Variants in MYCBP2 observed in about 807,000 individuals in gnomAD.
The protein encoded by MYCBP2 is MYC binding protein 2, also known as E3 ubiquitin-protein ligase MYCBP2.
MYCBP2 carries 120 observed loss-of-function variants against 525.3 expected under a neutral mutation model. That is an observed-to-expected ratio of 0.23 (90% confidence interval 0.20 to 0.27). The LOEUF is 0.27. MYCBP2 is among the 10% of genes least tolerant of loss of function. The pLI is 1.00. For synonymous variants in MYCBP2, 1,894 were observed against 1,955.8 expected (o/e 0.97, Z 0.83); for missense variants, 4,149 against 5,657.1 (o/e 0.73, Z 8.55).
intron 82 of MYCBP2, among the ~76,000 whole-genome samples, chr13:77,050,019 T>C (rs2036444903): frequency 6.6e-6 from 1 of 152,166 alleles, no homozygotes; most frequent in African/African-American, 2.4e-5. Context: ...TCTTTTTTTT[T>C]TTTAAACTGA....
chr13:77,189,888 A>G (rs986456042), intron 29 of MYCBP2, among the ~76,000 whole-genome samples: 13 of 152,150 alleles, frequency 8.5e-5, no homozygotes, highest in African/African-American at 2.9e-4. Flanking sequence ...CTGCATCTAT[A>G]GTCCTCCCCA....
At chr13:77,278,566 T>G (rs1355959504) in intron 4 of MYCBP2, among the ~76,000 whole-genome samples, 192 bp downstream of exon 4, 2 of 152,188 alleles carry the variant, frequency 1.3e-5, no homozygotes, top group African/African-American at 4.8e-5. Context: ...TTATATAAAT[T>G]TATGGGGTAT....
At chr13:77,156,035 T>C (rs777076805) in intron 46 of MYCBP2, 23 bp downstream of exon 46, 1 of 1,605,210 alleles carries the variant, frequency 6.2e-7, no homozygotes, top group Non-Finnish European at 8.5e-7. Flanking sequence ...AGATGTCTGC[T>C]AATTTAATCC....
At chr13:77,214,015 A>G (rs1016901986) in intron 21 of MYCBP2, among the ~76,000 whole-genome samples, 4 of 152,238 alleles carry the variant, frequency 2.6e-5, no homozygotes, top group Non-Finnish European at 4.4e-5. Context: ...GAAAAAGCAC[A>G]GGGAAACACA....
At chr13:77,188,140 G>T (rs1001913877) in intron 30 of MYCBP2, among the ~76,000 whole-genome samples, 1 of 151,152 alleles carries the variant, frequency 6.6e-6, no homozygotes, top group Non-Finnish European at 1.5e-5. Context: ...TATATATGGT[G>T]ATCATGAGAA....
chr13:77,092,003 T>C (rs1302894841), intron 59 of MYCBP2, among the ~76,000 whole-genome samples: 1 of 150,958 alleles, frequency 6.6e-6, no homozygotes, highest in Non-Finnish European at 1.5e-5. Context: ...CTGGAGAAAA[T>C]GTCAAGAGCA....
intron 68 of MYCBP2, 51 bp downstream of exon 68, chr13:77,076,699 GA>G (rs1279951963): frequency 6.1e-6 from 7 of 1,140,458 alleles, no homozygotes; most frequent in Admixed American, 2.1e-5. Context: ...TTATTTCACT[GA>G]AAAAAAGAAT....
chr13:77,323,710 G>A (rs76052618), intron 1 of MYCBP2, among the ~76,000 whole-genome samples: 4,547 of 152,260 alleles, frequency 0.03, 140 homozygotes, highest in African/African-American at 0.08. Flanking sequence ...AATACTGCCT[G>A]GCACAGAGCA....
At chr13:77,146,026 G>A (rs1008143396) in intron 48 of MYCBP2, 136 bp downstream of exon 48, 3 of 527,438 alleles carry the variant, frequency 5.7e-6, no homozygotes, top group Non-Finnish European at 9.9e-6. Context: ...ATTATTATAT[G>A]ACATCTCTAT....
At chr13:77,048,450 G>A (rs892362585) in intron 82 of MYCBP2, among the ~76,000 whole-genome samples, 1 of 152,210 alleles carries the variant, frequency 6.6e-6, no homozygotes, top group Non-Finnish European at 1.5e-5. Context: ...AGTGGTTAGA[G>A]AATTGCTTCT....
intron 1 of MYCBP2, among the ~76,000 whole-genome samples, chr13:77,304,190 AC>A (rs2079122972): frequency 6.6e-6 from 1 of 152,218 alleles, no homozygotes; most frequent in African/African-American, 2.4e-5. Flanking sequence ...GTTCACTGCT[AC>A]ACTATTCACA....
At chr13:77,279,186 C>T (rs1250830919) in intron 3 of MYCBP2, among the ~76,000 whole-genome samples, 3 of 152,078 alleles carry the variant, frequency 2.0e-5, no homozygotes, top group Non-Finnish European at 4.4e-5. Context: ...TTAATTGTTA[C>T]CTATAACCAG....
intron 15 of MYCBP2, among the ~76,000 whole-genome samples, chr13:77,246,198 T>C (rs962354764): frequency 2.6e-5 from 4 of 152,318 alleles, no homozygotes; most frequent in Admixed American, 2.0e-4. Context: ...AGAACATATC[T>C]GGCAGCAGTT....
chr13:77,212,453 C>T (rs1002696928), intron 21 of MYCBP2, among the ~76,000 whole-genome samples: 15 of 152,134 alleles, frequency 9.9e-5, no homozygotes, highest in Admixed American at 9.2e-4. Context: ...TCTTCACCTA[C>T]ATTTAAATGA....
intron 24 of MYCBP2, 138 bp downstream of exon 24, chr13:77,206,515 A>T: frequency 1.2e-6 from 1 of 803,510 alleles, no homozygotes; most frequent in Non-Finnish European, 1.8e-6. Context: ...TTAGCCTCTT[A>T]GAGGATTTAA....
intron 32 of MYCBP2, among the ~76,000 whole-genome samples, chr13:77,184,138 G>A (rs1350659433): frequency 2.0e-5 from 3 of 152,054 alleles, no homozygotes; most frequent in Non-Finnish European, 2.9e-5. Flanking sequence ...GGTATAAAGA[G>A]CTCTTTTAAG....
chr13:77,264,071 G>C, intron 8 of MYCBP2, 69 bp from the exon 9 acceptor site: 1 of 1,281,832 alleles, frequency 7.8e-7, no homozygotes, highest in Non-Finnish European at 1.1e-6. Flanking sequence ...TTACTCCTCT[G>C]TTGAAGTCAA....
intron 48 of MYCBP2, 87 bp downstream of exon 48, chr13:77,146,075 G>T (rs1171572658): frequency 3.7e-6 from 3 of 814,476 alleles, no homozygotes; most frequent in Middle Eastern, 2.4e-4. Flanking sequence ...TTTATTTATA[G>T]AAAATAAAGT....
At chr13:77,196,042 T>C (rs1434486954) in intron 26 of MYCBP2, among the ~76,000 whole-genome samples, 3 of 152,168 alleles carry the variant, frequency 2.0e-5, no homozygotes, top group Non-Finnish European at 2.9e-5. Context: ...GGAGTAAGTC[T>C]ATGGTTGGGA....
Sources: allele counts gnomAD v4.1 joint callset (sites outside exome capture counted in the v4.1 genomes callset), GRCh38; gene constraint gnomAD v4.1.1; transcripts MANE v1.5; gene names NCBI Gene and HGNC (gene_info 2026-07-23, HGNC 2026-07-21).